Variants in CFAP70 observed in about 807,000 individuals in gnomAD.
CFAP70 encodes cilia- and flagella-associated protein 70.
CFAP70 carries 81 observed loss-of-function variants against 137.6 expected under a neutral mutation model. The ratio of observed to expected loss-of-function variants is 0.59; its 90% CI spans 0.49 to 0.71. The LOEUF is 0.71. CFAP70 is among the 30% of genes least tolerant of loss of function. The pLI is 0.00. For synonymous variants in CFAP70, 382 were observed against 423.6 expected (o/e 0.90, Z 1.20); for missense variants, 976 against 1,226.7 (o/e 0.80, Z 3.05).
chr10:73,347,107 T>A (rs1254356261), intron 4 of CFAP70: 1 of 152,178 alleles, frequency 6.6e-6, no homozygotes, highest in Non-Finnish European at 1.5e-5. Context: ...TCCATTTAGG[T>A]ATATGTAAGT....
Position 73,316,465 on chromosome 10 carries a change from TATATATATATATATAGATATAG to T in CFAP70, c.913-3844_913-3823del, listed in dbSNP as rs1264429642. Among the ~76,000 whole-genome samples, 76 of 114,488 alleles carry T rather than the reference TATATATATATATATAGATATAG, an allele frequency of 6.6e-4. No individual in the cohort carries two copies. The East Asian group carries it at 0.014, about 22-fold the overall frequency. 75.1% of individuals were successfully genotyped at this position (114,488 alleles called of 152,430 possible). On this transcript the variant is annotated intron_variant, in intron 9 of 26. Coordinates refer to ENST00000310715, the Ensembl canonical transcript of CFAP70. ...ATCCCATTTAATTCCTTTGTTGAGA[TATATATATATATATAGATATAG>T]ATATATATATATATATATATATATA... is the stretch of plus-strand genomic sequence containing the variant.
chr10:73,276,033 T>G (rs1242722463), intron 21 of CFAP70: 1 of 152,610 alleles, frequency 6.6e-6, no homozygotes, highest in African/African-American at 2.4e-5. Flanking sequence ...AACATAAATG[T>G]CTGTTTTGGA....
chr10:73,274,676 TTAGA>T lies in CFAP70; in HGVS notation c.2674-86_2674-83del, dbSNP rs2046561972. 5 of 1,254,022 alleles carry T rather than the reference TTAGA, an allele frequency of 4.0e-6. No homozygotes were observed. In the South Asian group the frequency reaches 8.1e-5, roughly 20 times the overall value. 77.7% of individuals were successfully genotyped at this position (1,254,022 alleles called of 1,614,324 possible). A position where few individuals can be genotyped will look rare whatever the true frequency, so the allele number is the denominator to read the frequency against. On this transcript the variant is annotated intron_variant, in intron 22 of 26. Transcript: ENST00000310715. Reference sequence around the variant, plus strand: ...GATGATCTTTGTTTAACATTTAAATTTAGATAGATTGTCCATTTCCTTTCTCTTT... The same window carrying T: ...GATGATCTTTGTTTAACATTTAAATTTAGATTGTCCATTTCCTTTCTCTTT...
At chr10:73,349,149 T>C (rs2053975477) in intron 3 of CFAP70, among the ~76,000 whole-genome samples, 3 of 151,818 alleles carry the variant, frequency 2.0e-5, no homozygotes. Context: ...AATCCTTAGG[T>C]ATTTTCTATT....
rs536782001 is a variant in CFAP70 at position 73,282,819 on chromosome 10, C to T, written c.2240-4482G>A. On this transcript the variant is annotated intron_variant, in intron 19 of 26. Coordinates refer to ENST00000310715, the Ensembl canonical transcript of CFAP70. ...CATTTCTAAGTGTTTAGAAATTTTC[C>T]TGTTATCTTTTTTTTTTTTTTTTTT... is the stretch of plus-strand genomic sequence containing the variant. 7.5e-5 allele frequency among the ~76,000 whole-genome samples: 11 copies of T among 147,090 alleles called. No individual in the cohort carries two copies. The East Asian group carries it at 1.8e-3, about 24-fold the overall frequency.
At chr10:73,351,071 G>GTGTGTGTGTATATA (rs1422420902) in intron 3 of CFAP70, among the ~76,000 whole-genome samples, 1 of 31,382 alleles carries the variant, frequency 3.2e-5, no homozygotes, top group Non-Finnish European at 6.7e-5. Flanking sequence ...GTGTGTGTGT[G>GTGTGTGTGTATATA]TATATATATA....
chr10:73,305,260 G>A (rs1296671559), intron 12 of CFAP70, among the ~76,000 whole-genome samples: 1 of 152,184 alleles, frequency 6.6e-6, no homozygotes, highest in African/African-American at 2.4e-5. Context: ...ACATTGTAAG[G>A]TTATCAAATC....
At chr10:73,314,001 T>C (rs2050141950) in intron 9 of CFAP70, among the ~76,000 whole-genome samples, 2 of 152,188 alleles carry the variant, frequency 1.3e-5, no homozygotes. Context: ...ATTCAAACTA[T>C]AGATAAACCA....
chr10:73,266,318 A>G (rs1392593674), intron 25 of CFAP70, among the ~76,000 whole-genome samples: 2 of 152,180 alleles, frequency 1.3e-5, no homozygotes, highest in Non-Finnish European at 2.9e-5. Context: ...CTGTTCCCCA[A>G]TGACTGCCCT....
intron 25 of CFAP70, among the ~76,000 whole-genome samples, chr10:73,264,462 T>C (rs1282742312): frequency 1.3e-5 from 2 of 152,350 alleles, no homozygotes; most frequent in African/African-American, 2.4e-5. Context: ...CTTATCAGTA[T>C]CTCCCATTCT....
At chr10:73,320,108 A>C (rs1461693097) in intron 9 of CFAP70, among the ~76,000 whole-genome samples, 2 of 152,114 alleles carry the variant, frequency 1.3e-5, no homozygotes, top group Admixed American at 1.3e-4. Context: ...TTTGTTTATG[A>C]AGGTTTATTT....
At chr10:73,337,452 C>A (rs1295488836) in intron 6 of CFAP70, among the ~76,000 whole-genome samples, 2 of 152,108 alleles carry the variant, frequency 1.3e-5, no homozygotes, top group Non-Finnish European at 2.9e-5. Flanking sequence ...CCATTGCACT[C>A]CAGCCTGGGT....
intron 19 of CFAP70, among the ~76,000 whole-genome samples, chr10:73,288,892 G>A (rs1227186739): frequency 6.6e-6 from 1 of 152,142 alleles, no homozygotes; most frequent in Non-Finnish European, 1.5e-5. Flanking sequence ...TCCCTATATA[G>A]CCTGAATGCT....
intron 25 of CFAP70, among the ~76,000 whole-genome samples, chr10:73,264,014 T>G (rs2045524390): frequency 6.6e-6 from 1 of 152,240 alleles, no homozygotes; most frequent in Non-Finnish European, 1.5e-5. Flanking sequence ...TACAAATTAT[T>G]TATTTGGATG....
intron 12 of CFAP70, among the ~76,000 whole-genome samples, chr10:73,301,991 T>TA (rs1018551250): frequency 2.0e-5 from 3 of 151,544 alleles, no homozygotes; most frequent in African/African-American, 7.3e-5. Flanking sequence ...CATTAGAAAA[T>TA]AAAAAAGAAG....
intron 2 of CFAP70, 137 bp downstream of exon 2, chr10:73,354,597 A>G (rs958954967): frequency 1.4e-5 from 10 of 705,852 alleles, no homozygotes; most frequent in Admixed American, 2.3e-5. Context: ...TAAGACTAAC[A>G]ATAAGGAACA....
intron 25 of CFAP70, among the ~76,000 whole-genome samples, chr10:73,258,752 G>A (rs190512366): frequency 2.3e-3 from 350 of 152,248 alleles, no homozygotes; most frequent in African/African-American, 8.2e-3. Context: ...TAAAATGGCC[G>A]CTCTGGGAGT....
At chr10:73,339,413 C>T (rs2053027387) in intron 6 of CFAP70, among the ~76,000 whole-genome samples, 1 of 152,214 alleles carries the variant, frequency 6.6e-6, no homozygotes, top group African/African-American at 2.4e-5. Flanking sequence ...ACAAAGGTGA[C>T]GACTGTCACA....
At chr10:73,324,513 A>C (rs1356786549) in intron 8 of CFAP70, among the ~76,000 whole-genome samples, 1 of 152,234 alleles carries the variant, frequency 6.6e-6, no homozygotes, top group Non-Finnish European at 1.5e-5. Context: ...TGAGAGAAGA[A>C]GGCTTCAGAC....
Sources: allele counts gnomAD v4.1 joint callset (sites outside exome capture counted in the v4.1 genomes callset), GRCh38; gene constraint gnomAD v4.1.1; transcripts MANE v1.5; gene names NCBI Gene and HGNC (gene_info 2026-07-23, HGNC 2026-07-21).